Variants in TOX2 observed in about 807,000 individuals in gnomAD.
TOX2 encodes granulosa cell HMG box 1.
Under a neutral mutation model 47.4 loss-of-function variants are expected in TOX2, and 15 were observed. That is an observed-to-expected ratio of 0.32 (90% CI 0.21 to 0.49). The LOEUF (loss-of-function observed/expected upper bound fraction) is 0.49. Among genes scored for constraint, TOX2 ranks in the 20% least tolerant of loss-of-function variants. The pLI is 0.99. For missense variants in TOX2, 622 were observed against 673.1 expected (o/e 0.92, Z 0.84); for synonymous variants, 290 against 296.6 (o/e 0.98, Z 0.23).
At chr20:44,065,012 G>C (rs1267518808) in intron 6 of TOX2, among the ~76,000 whole-genome samples, 155 bp downstream of exon 6, 1 of 152,208 alleles carries the variant, frequency 6.6e-6, no homozygotes, top group African/African-American at 2.4e-5. Flanking sequence ...CCTACAGCAT[G>C]CCAGGCTCAT....
Position 44,068,759 on chromosome 20 carries a change from G to A in TOX2, c.*73G>A. 1.2e-6 allele frequency: 2 copies of A among 1,600,506 alleles called. No homozygotes were observed. Among genetic ancestry groups the A allele is most frequent in the Non-Finnish European group, 1.7e-6 (2 of 1,171,268 alleles). The stretch of plus-strand genomic sequence containing the variant: ...AGCCTGAAGGGCTGACAGCAGAAAA[G>A]AGGCCCTGGCCAGAGGCAGGGTGGC... On this transcript the variant is annotated 3_prime_UTR_variant, in exon 9 of 9. Transcript: ENST00000341197.
intron 3 of TOX2, among the ~76,000 whole-genome samples, chr20:44,033,736 C>T (rs6031308): frequency 0.6 from 90,441 of 151,896 alleles, 27,227 homozygotes; most frequent in East Asian, 0.8. Context: ...CCAAAGAGAA[C>T]GAGCCCTGCC....
chr20:43,918,740 A>T (rs2069083917), intron 1 of TOX2, among the ~76,000 whole-genome samples: 1 of 152,232 alleles, frequency 6.6e-6, no homozygotes, highest in Non-Finnish European at 1.5e-5. Context: ...ATTCACCTGC[A>T]GGTGGACATT....
chr20:44,013,071 G>T (rs1212184957), intron 3 of TOX2, among the ~76,000 whole-genome samples: 1 of 152,196 alleles, frequency 6.6e-6, no homozygotes, highest in Admixed American at 6.5e-5. Flanking sequence ...CCTGTGCCCG[G>T]AGCCTGGGGG....
intron 1 of TOX2, among the ~76,000 whole-genome samples, chr20:43,924,108 C>T (rs1172478538): frequency 1.3e-5 from 2 of 152,180 alleles, no homozygotes; most frequent in Non-Finnish European, 2.9e-5. Flanking sequence ...GCAAGCCCAG[C>T]CGCTGATATT....
chr20:43,986,606 T>G (rs1167607516), intron 2 of TOX2, among the ~76,000 whole-genome samples: 1 of 152,010 alleles, frequency 6.6e-6, no homozygotes, highest in Non-Finnish European at 1.5e-5. Flanking sequence ...CATGGTATAC[T>G]CCCACCGAAA....
chr20:44,051,378 G>A lies in TOX2; in HGVS notation c.484G>A (p.Ala162Thr), dbSNP rs767742511. ...GCCCGGGCCCCTGCTGGGTCGCCCGGCAATGCTGGCCAGCCACATGAGTGC... is the reference window on the plus strand; with the variant it reads ...GCCCGGGCCCCTGCTGGGTCGCCCGACAATGCTGGCCAGCCACATGAGTGC... ...GRPGPLLGRP[A>T]MLASHMSALS... Residue 162 changes from alanine to threonine, a missense_variant, in exon 4 of 9, where the codon GCA becomes ACA. Physicochemically the swap from Ala to Thr is moderately conservative, Grantham distance 58 (BLOSUM62 0). This residue lies in a region of TOX2 where 307 missense variants were observed against 327.3 expected (regional missense o/e 0.94). Coordinates refer to ENST00000341197, the MANE Select transcript of TOX2 (RefSeq NM_001098797.2). The A allele has an allele frequency of 2.5e-6, 4 of 1,613,844 alleles. No homozygotes were observed. The highest frequency in any genetic ancestry group is 2.5e-6 in the Non-Finnish European group (3 of 1,179,938).
intron 2 of TOX2, among the ~76,000 whole-genome samples, chr20:43,985,855 C>T (rs1412274812): frequency 6.6e-6 from 1 of 152,070 alleles, no homozygotes; most frequent in Non-Finnish European, 1.5e-5. Context: ...GAGTGAGGAG[C>T]TGGGGCGCAT....
chr20:44,048,203 C>T (rs538918114), intron 3 of TOX2, among the ~76,000 whole-genome samples: 2 of 151,654 alleles, frequency 1.3e-5, no homozygotes, highest in South Asian at 4.2e-4. Context: ...CCAGTGTGGG[C>T]AACAGAGCAA....
At chr20:43,997,862 AAGT>A (rs2070506398) in intron 2 of TOX2, among the ~76,000 whole-genome samples, 1 of 152,092 alleles carries the variant, frequency 6.6e-6, no homozygotes, top group Non-Finnish European at 1.5e-5. Context: ...ATTGCTCTTA[AAGT>A]GTTTAAGTAT....
intron 3 of TOX2, among the ~76,000 whole-genome samples, chr20:44,026,884 G>C (rs752595454): frequency 3.9e-4 from 59 of 152,196 alleles, no homozygotes; most frequent in Admixed American, 1.3e-3. Flanking sequence ...AACTCTCCTG[G>C]GAAAGGATCT....
chr20:44,051,251 ATGGAGTGGCAGGACAGATCCTTCCT>A, intron 3 of TOX2, 30 bp from the exon 4 acceptor site: 1 of 1,545,270 alleles, frequency 6.5e-7, no homozygotes, highest in Non-Finnish European at 8.8e-7. Context: ...CACAGATGTG[ATGGAGTGGCAGGACAGATCCTTCCT>A]AACTCAACCC....
Position 44,033,169 on chromosome 20 carries a change from T to C in TOX2, c.412-18137T>C, listed in dbSNP as rs533470844. On this transcript the variant is annotated intron_variant, in intron 3 of 8. Transcript: ENST00000341197. ...ATGAAAGTGTATTAGCAATACGTACTGACGAGGCTTCGGGGCCAGAGGCAG... is the reference window on the plus strand; with the variant it reads ...ATGAAAGTGTATTAGCAATACGTACCGACGAGGCTTCGGGGCCAGAGGCAG... Among the ~76,000 whole-genome samples the C allele has an allele frequency of 3.3e-5, 5 of 152,332 alleles. No homozygotes were observed. In the East Asian group the frequency reaches 9.6e-4, roughly 29 times the overall value.
Position 44,006,658 on chromosome 20 carries a change from C to A in TOX2, c.277C>A (p.His93Asn). 1 of 1,614,102 alleles carries A rather than the reference C, an allele frequency of 6.2e-7. No homozygotes were observed. Among genetic ancestry groups the A allele is most frequent in the Non-Finnish European group, 8.5e-7 (1 of 1,180,022 alleles). Reference protein sequence around the residue: ...LHLGDHEASYHSLCHGLTPNG... With the variant: ...LHLGDHEASYNSLCHGLTPNG... ...CCTGGGGGACCACGAAGCCAGCTAC[C>A]ACTCGCTGTGCCACGGCCTCACCCC... is the stretch of plus-strand genomic sequence containing the variant. The change falls in exon 3 of 9, where the codon CAC becomes AAC. Residue 93 changes from histidine (H) to asparagine (N), a missense_variant. Physicochemically the swap from His to Asn is moderately conservative, Grantham distance 68. This residue lies in a region of TOX2 where 307 missense variants were observed against 327.3 expected (regional missense o/e 0.94). Coordinates refer to ENST00000341197, the MANE Select transcript of TOX2 (RefSeq NM_001098797.2).
At chr20:43,925,534 A>G (rs2145836958) in intron 1 of TOX2, among the ~76,000 whole-genome samples, 1 of 152,250 alleles carries the variant, frequency 6.6e-6, no homozygotes, top group East Asian at 1.9e-4. Context: ...TTTCAATTAG[A>G]GAATTCTTCT....
intron 5 of TOX2, among the ~76,000 whole-genome samples, chr20:44,064,269 G>A (rs1403082323): frequency 6.6e-6 from 1 of 152,080 alleles, no homozygotes; most frequent in Non-Finnish European, 1.5e-5. Flanking sequence ...GCACCTCCTC[G>A]TTTCTACCAA....
chr20:43,960,652 T>C (rs1005351404), intron 1 of TOX2, among the ~76,000 whole-genome samples: 1 of 152,256 alleles, frequency 6.6e-6, no homozygotes, highest in Non-Finnish European at 1.5e-5. Context: ...CAGGTAGCTA[T>C]CCAGACGCTG....
intron 2 of TOX2, among the ~76,000 whole-genome samples, chr20:43,987,984 A>G (rs1485256421): frequency 6.8e-6 from 1 of 146,922 alleles, no homozygotes; most frequent in Non-Finnish European, 1.5e-5. Flanking sequence ...CAGTATCACA[A>G]TCTTGGCTCA....
At chr20:43,965,165 A>T (rs34341184) in intron 1 of TOX2, among the ~76,000 whole-genome samples, 24,712 of 152,018 alleles carry the variant, frequency 0.16, 2,399 homozygotes, top group Admixed American at 0.3. Context: ...TCAGAGCAGG[A>T]GGTTCTGAGA....
Sources: allele counts gnomAD v4.1 joint callset (sites outside exome capture counted in the v4.1 genomes callset), GRCh38; gene constraint gnomAD v4.1.1; regional missense constraint gnomAD v4.1.1; transcripts MANE v1.5; gene names NCBI Gene and HGNC (gene_info 2026-07-23, HGNC 2026-07-21).